Variants in PNKD observed in about 807,000 individuals in gnomAD.
PNKD encodes PNKD metallo-beta-lactamase domain containing.
A neutral mutation model predicts 45.3 loss-of-function variants in PNKD; 36 were observed. That is an observed-to-expected ratio of 0.80 (90% CI 0.61 to 1.05). The LOEUF (loss-of-function observed/expected upper bound fraction) is 1.05, where lower values mean the gene tolerates loss of function less well. Among genes scored for constraint, PNKD ranks in the 50% least tolerant of loss-of-function variants. The pLI is 0.00. For missense variants in PNKD, 511 were observed against 506.6 expected (o/e 1.01, Z -0.08); for synonymous variants, 197 against 210.1 (o/e 0.94, Z 0.54).
intron 2 of PNKD, among the ~76,000 whole-genome samples, chr2:218,271,917 GCTCTGA>G (rs1342619201): frequency 6.6e-6 from 1 of 152,170 alleles, no homozygotes; most frequent in Non-Finnish European, 1.5e-5. Context: ...TTGTGATTGG[GCTCTGA>G]CTCTGACCTT....
Position 218,341,746 on chromosome 2 carries a change from C to G in PNKD, c.617+120C>G, listed in dbSNP as rs962980632. ...GATCTTTGCCAGTGCCCTTCCTGGC[C>G]CAATCCCAGCCTATCTGAAGACTGG... On this transcript the variant is annotated intron_variant, in intron 6 of 9. Coordinates refer to ENST00000273077, the MANE Select transcript of PNKD (RefSeq NM_015488.5). 15 of 818,568 alleles carry G rather than the reference C, an allele frequency of 1.8e-5. No homozygotes were observed. In the African/African-American group the frequency reaches 2.4e-4, roughly 13 times the overall value. The allele number at this position is 818,568 out of a possible 1,614,324, so 50.7% of individuals were successfully genotyped here.
At chr2:218,275,706 C>T (rs1445920077) in intron 2 of PNKD, 34 of 1,504,352 alleles carry the variant, frequency 2.3e-5, no homozygotes, top group Non-Finnish European at 3.0e-5. Context: ...TCTTGGGGGC[C>T]TATGCGCCAC....
At chr2:218,314,222 CTTTTTTTTTTT>C (rs386392656) in intron 2 of PNKD, among the ~76,000 whole-genome samples, 1 of 67,710 alleles carries the variant, frequency 1.5e-5, no homozygotes, top group African/African-American at 6.5e-5. Context: ...CGCGCCCTGG[CTTTTTTTTTTT>C]TTTTTTTTTT....
chr2:218,290,339 C>A (rs1282946347), intron 2 of PNKD, among the ~76,000 whole-genome samples: 3 of 152,206 alleles, frequency 2.0e-5, no homozygotes, highest in Non-Finnish European at 4.4e-5. Context: ...CTATTAACAC[C>A]CTGTGGGATG....
At chr2:218,289,011 T>C (rs1692739316) in intron 2 of PNKD, among the ~76,000 whole-genome samples, 1 of 151,738 alleles carries the variant, frequency 6.6e-6, no homozygotes, top group Non-Finnish European at 1.5e-5. Flanking sequence ...CAGAGATGAG[T>C]TTAAGCATAG....
intron 2 of PNKD, among the ~76,000 whole-genome samples, chr2:218,296,430 G>A (rs1693141406): frequency 6.6e-6 from 1 of 152,098 alleles, no homozygotes. Context: ...AGGGGGTGGT[G>A]GCAGCCTGGA....
At chr2:218,282,683 TG>T (rs1692143107) in intron 2 of PNKD, among the ~76,000 whole-genome samples, 1 of 152,028 alleles carries the variant, frequency 6.6e-6, no homozygotes, top group African/African-American at 2.4e-5. Context: ...AGGCTCAAAG[TG>T]GAGAGCCGGG....
At chr2:218,280,231 A>G (rs913841803) in intron 2 of PNKD, 1 of 842,024 alleles carries the variant, frequency 1.2e-6, no homozygotes, top group Non-Finnish European at 2.0e-6. Flanking sequence ...CAGCCAAAAG[A>G]CAAGTGTTAT....
chr2:218,345,368 G>T lies in PNKD; in HGVS notation c.*387G>T. On this transcript the variant is annotated 3_prime_UTR_variant, in exon 10 of 10. Coordinates refer to ENST00000273077, the MANE Select transcript of PNKD (RefSeq NM_015488.5). ...CATCTCACTGTAGCCCTGGAACCCAGGGTCCATCTTGCCCTTCCCCCATCC... is the reference window on the plus strand; with the variant it reads ...CATCTCACTGTAGCCCTGGAACCCATGGTCCATCTTGCCCTTCCCCCATCC... 1 of 196,442 alleles carries T rather than the reference G, an allele frequency of 5.1e-6. No individual in the cohort carries two copies. The allele number at this position is 196,442 out of a possible 1,614,324, so 12.2% of individuals were successfully genotyped here. A position where few individuals can be genotyped will look rare whatever the true frequency, so the allele number is the denominator to read the frequency against.
intron 2 of PNKD, chr2:218,323,286 C>T: frequency 6.5e-7 from 1 of 1,548,892 alleles, no homozygotes; most frequent in Non-Finnish European, 8.7e-7. Context: ...GCAGGGCTGG[C>T]CCGCGGCGTG....
intron 2 of PNKD, among the ~76,000 whole-genome samples, chr2:218,299,010 T>G (rs571252996): frequency 2.3e-4 from 35 of 152,330 alleles, no homozygotes; most frequent in African/African-American, 7.9e-4. Flanking sequence ...CCCCACACTC[T>G]GACCACCATC....
intron 2 of PNKD, among the ~76,000 whole-genome samples, chr2:218,337,772 ACT>A (rs1694541464): frequency 6.6e-6 from 1 of 152,162 alleles, no homozygotes; most frequent in Non-Finnish European, 1.5e-5. Flanking sequence ...GAGCACACTC[ACT>A]GTGTGTGTCT....
intron 2 of PNKD, chr2:218,275,699 T>C (rs1438511847): frequency 6.5e-7 from 1 of 1,535,650 alleles, no homozygotes; most frequent in African/African-American, 1.4e-5. Context: ...AGATTTGTCT[T>C]GGGGGCCTAT....
chr2:218,277,609 G>A, intron 2 of PNKD: 1 of 1,614,170 alleles, frequency 6.2e-7, no homozygotes, highest in Non-Finnish European at 8.5e-7. Context: ...TTTCCCAAGA[G>A]TGGTGCTTTA....
chr2:218,304,949 T>G (rs1337503504), intron 2 of PNKD, among the ~76,000 whole-genome samples: 1 of 152,076 alleles, frequency 6.6e-6, no homozygotes, highest in African/African-American at 2.4e-5. Context: ...GGCGGGCACC[T>G]GTAGTCCCAG....
chr2:218,272,639 G>A, intron 2 of PNKD: 1 of 1,614,188 alleles, frequency 6.2e-7, no homozygotes, highest in South Asian at 1.1e-5. Context: ...AGGACCGTGT[G>A]AAGCAGATGA....
intron 2 of PNKD, among the ~76,000 whole-genome samples, chr2:218,288,289 T>C (rs1042247790): frequency 6.6e-6 from 1 of 151,998 alleles, no homozygotes; most frequent in African/African-American, 2.4e-5. Flanking sequence ...ATTAGCTGGA[T>C]GTGGTGGCGG....
intron 1 of PNKD, 77 bp downstream of exon 1, chr2:218,270,679 AG>A (rs1303379722): frequency 2.2e-5 from 10 of 458,192 alleles, no homozygotes; most frequent in Non-Finnish European, 2.7e-5. Context: ...CGATAGCAGG[AG>A]GTCAGGGCTC....
chr2:218,282,641 C>T (rs1178050829), intron 2 of PNKD, among the ~76,000 whole-genome samples: 1 of 152,232 alleles, frequency 6.6e-6, no homozygotes, highest in African/African-American at 2.4e-5. Context: ...ACGGGGATGC[C>T]AGGCCTGGAA....
Sources: gnomAD v4.1 joint callset for allele counts (sites outside exome capture counted in the v4.1 genomes callset) on GRCh38, gnomAD v4.1.1 for gene constraint, MANE v1.5 for transcripts, NCBI Gene and HGNC (gene_info 2026-07-23, HGNC 2026-07-21) for gene names.